GRK4: variants seen among roughly 807,000 people sequenced by gnomAD.
The protein encoded by GRK4 is G protein-coupled receptor kinase 2-like.
In GRK4, 73 loss-of-function variants were observed where a neutral mutation model predicts 77.9. That is an observed-to-expected ratio of 0.94 (90% CI 0.78 to 1.14). The LOEUF is 1.14. Ranked by LOEUF, GRK4 falls within the 50% of genes most tolerant of loss-of-function variation. The pLI is 0.00. For missense variants in GRK4, 729 were observed against 700.2 expected (o/e 1.04, Z -0.46); for synonymous variants, 257 against 254.4 (o/e 1.01, Z -0.10).
chr4:3,030,204 G>A (rs1312524568), intron 12 of GRK4, among the ~76,000 whole-genome samples: 1 of 152,122 alleles, frequency 6.6e-6, no homozygotes, highest in Non-Finnish European at 1.5e-5. Context: ...ACTGTGCTAA[G>A]GGCCTCTGAG....
chr4:2,974,087 C>T (rs1217286580), intron 1 of GRK4, among the ~76,000 whole-genome samples: 2 of 152,146 alleles, frequency 1.3e-5, no homozygotes, highest in African/African-American at 4.8e-5. Context: ...CGGGCTCAAG[C>T]GAGCCCACCT....
At chr4:3,031,614 C>T (rs996896754) in intron 12 of GRK4, among the ~76,000 whole-genome samples, 42 of 152,142 alleles carry the variant, frequency 2.8e-4, no homozygotes, top group South Asian at 4.1e-4. Context: ...ACACAGGGAA[C>T]GGCAGGTTCA....
At chr4:2,964,863 TATAAG>T (rs1411203302) in intron 1 of GRK4, among the ~76,000 whole-genome samples, 1 of 152,226 alleles carries the variant, frequency 6.6e-6, no homozygotes, top group East Asian at 1.9e-4. Flanking sequence ...TAAGGACAGT[TATAAG>T]ATAACGCTGT....
At chr4:3,017,302 C>G (rs188526556) in intron 8 of GRK4, among the ~76,000 whole-genome samples, 3 of 152,246 alleles carry the variant, frequency 2.0e-5, no homozygotes, top group Admixed American at 6.5e-5. Flanking sequence ...GTCTCCCTCC[C>G]CATAGGCAGT....
Position 3,027,988 on chromosome 4 carries a change from A to G in GRK4, c.1047A>G (p.Thr349=), listed in dbSNP as rs765263356. ...EGQRVRGRVG[T]VGYMAPEVVN... is the part of the protein sequence containing the mutation. ...AGAGGGTTCGAGGAAGAGTTGGAACAGTCGGCTACATGGGTTCGTGAGAGG... is the reference window on the plus strand; with the variant it reads ...AGAGGGTTCGAGGAAGAGTTGGAACGGTCGGCTACATGGGTTCGTGAGAGG... The change falls in exon 11 of 16, where the codon ACA becomes ACG. Residue 349 remains threonine (T), a synonymous_variant. Coordinates refer to ENST00000398052, the MANE Select transcript of GRK4 (RefSeq NM_182982.3). The G allele has an allele frequency of 2.5e-6, 4 of 1,614,186 alleles. No homozygotes were observed. Among genetic ancestry groups the G allele is most frequent in the Non-Finnish European group, 3.4e-6 (4 of 1,180,016 alleles).
chr4:2,965,278 C>T lies in GRK4; in HGVS notation c.52+1156C>T, dbSNP rs547950086. On this transcript the variant is annotated intron_variant, in intron 1 of 15. Coordinates refer to ENST00000398052, the MANE Select transcript of GRK4 (RefSeq NM_182982.3). ...CCCGCCACAAAAGCATCAGTTGGTC[C>T]AGCCCTTCAGCGGGAGACCCCCACA... 5 of 703,036 alleles carry T rather than the reference C, an allele frequency of 7.1e-6. No homozygotes were observed. In the South Asian group the frequency reaches 7.4e-5, roughly 10 times the overall value. 43.5% of individuals were successfully genotyped at this position (703,036 alleles called of 1,614,324 possible).
chr4:2,987,167 A>G (rs752654528), intron 2 of GRK4: 7 of 517,258 alleles, frequency 1.4e-5, no homozygotes, highest in South Asian at 7.0e-5. Flanking sequence ...CTTTCTGTCT[A>G]TGTCTTTGCC....
intron 1 of GRK4, among the ~76,000 whole-genome samples, chr4:2,972,924 G>A (rs1720014656): frequency 6.6e-6 from 1 of 152,104 alleles, no homozygotes. Context: ...TTGTAGAGAT[G>A]GGGTTTCACC....
chr4:2,999,220 A>C (rs532668947), intron 4 of GRK4, among the ~76,000 whole-genome samples: 13 of 152,208 alleles, frequency 8.5e-5, no homozygotes, highest in African/African-American at 2.7e-4. Context: ...TCATCCATGC[A>C]GAAGAATACG....
intron 15 of GRK4, 77 bp downstream of exon 15, chr4:3,038,590 C>G: frequency 1.3e-6 from 2 of 1,503,070 alleles, no homozygotes; most frequent in Non-Finnish European, 9.0e-7. Context: ...AGGTGAAAAC[C>G]TGGTACTTTT....
At chr4:3,040,286 C>A (rs1033910875) in intron 15 of GRK4, among the ~76,000 whole-genome samples, 2 of 151,936 alleles carry the variant, frequency 1.3e-5, no homozygotes, top group Non-Finnish European at 2.9e-5. Context: ...GCTAAAAATA[C>A]AAAACTTAGC....
rs190747686 is a variant in GRK4, at chr4:3,001,144, T to C, written c.340-3087T>C. 1.7e-3 allele frequency among the ~76,000 whole-genome samples: 235 copies of C among 139,182 alleles called. 4 individuals are homozygous for C. The highest frequency in any genetic ancestry group is 4.2e-3 in the African/African-American group (151 of 35,906). 91.3% of individuals were successfully genotyped at this position (139,182 alleles called of 152,430 possible). On this transcript the variant is annotated intron_variant, in intron 4 of 15. Coordinates refer to ENST00000398052, the MANE Select transcript of GRK4 (RefSeq NM_182982.3). ...ATATGTGTATGTGTATATATATAGG[T>C]ATATATGTGTATGTGTATATATATG...
At chr4:3,001,651 G>A (rs1408160367) in intron 4 of GRK4, among the ~76,000 whole-genome samples, 1 of 152,118 alleles carries the variant, frequency 6.6e-6, no homozygotes, top group East Asian at 1.9e-4. Flanking sequence ...ACAGGCGTGA[G>A]CCACCACGCC....
chr4:3,036,558 T>G (rs1444168111), intron 13 of GRK4, among the ~76,000 whole-genome samples: 2 of 152,250 alleles, frequency 1.3e-5, no homozygotes, highest in Non-Finnish European at 2.9e-5. Flanking sequence ...ACTTCCGTGC[T>G]TTTTGTTCCT....
chr4:3,008,162 A>G (rs561775001), intron 6 of GRK4, among the ~76,000 whole-genome samples: 45 of 152,376 alleles, frequency 3.0e-4, no homozygotes, highest in Admixed American at 7.8e-4. Context: ...AAATTTTCAT[A>G]GGTATTAGTG....
At chr4:3,028,496 G>A (rs1449048626) in intron 11 of GRK4, among the ~76,000 whole-genome samples, 1 of 152,186 alleles carries the variant, frequency 6.6e-6, no homozygotes, top group Non-Finnish European at 1.5e-5. Context: ...TGGGATAGAT[G>A]GCAAGACGTG....
At chr4:3,029,469 A>T in intron 12 of GRK4, 60 bp downstream of exon 12, 3 of 1,451,144 alleles carry the variant, frequency 2.1e-6, no homozygotes, top group Non-Finnish European at 2.9e-6. Flanking sequence ...AGTTGTTTTC[A>T]CTGGCAGCTA....
intron 1 of GRK4, among the ~76,000 whole-genome samples, chr4:2,979,172 C>G (rs1722072720): frequency 6.6e-6 from 1 of 151,776 alleles, no homozygotes; most frequent in African/African-American, 2.4e-5. Context: ...TTGCAGTGAG[C>G]CGAGATCGCG....
intron 1 of GRK4, chr4:2,965,410 G>T: frequency 1.4e-6 from 1 of 703,078 alleles, no homozygotes; most frequent in Non-Finnish European, 2.6e-6. Context: ...AGCCACGGTA[G>T]TTCTTCACAC....
Sources: gnomAD v4.1 joint callset for allele counts (sites outside exome capture counted in the v4.1 genomes callset) on GRCh38, gnomAD v4.1.1 for gene constraint, MANE v1.5 for transcripts, NCBI Gene and HGNC (gene_info 2026-07-23, HGNC 2026-07-21) for gene names.